The following ABCG8 variants were observed in gnomAD, a reference collection of about 807,000 sequenced individuals.
ABCG8 encodes the protein ATP binding cassette subfamily G member 8.
In ABCG8, 81 loss-of-function variants were observed where a neutral mutation model predicts 71.3. The ratio of observed to expected loss-of-function variants is 1.14; its 90% CI spans 0.95 to 1.37. ABCG8 has a LOEUF of 1.37. ABCG8 is among the 40% of genes most tolerant of loss of function. The pLI, the probability that ABCG8 is intolerant of heterozygous loss-of-function variation, is 0.00. For synonymous variants in ABCG8, 451 were observed against 354.7 expected (o/e 1.27, Z -3.05); for missense variants, 1,119 against 866.2 (o/e 1.29, Z -3.66).
chr2:43,861,156 A>C (rs1669303586), intron 6 of ABCG8, among the ~76,000 whole-genome samples: 1 of 151,170 alleles, frequency 6.6e-6, no homozygotes, highest in Non-Finnish European at 1.5e-5. Context: ...AGCTCTCGCT[A>C]TCTGTCTGGA....
intron 6 of ABCG8, among the ~76,000 whole-genome samples, chr2:43,865,789 C>T (rs1669511571): frequency 2.8e-5 from 4 of 140,786 alleles, no homozygotes; most frequent in South Asian, 2.4e-4. Context: ...AGAATTCTCA[C>T]CATCTGGATA....
intron 6 of ABCG8, among the ~76,000 whole-genome samples, chr2:43,868,279 C>G (rs1198205555): frequency 1.3e-5 from 2 of 151,940 alleles, no homozygotes; most frequent in Non-Finnish European, 2.9e-5. Flanking sequence ...AAAACTCTCA[C>G]TGTCTGTCTG....
At chr2:43,869,207 A>C (rs1401329589) in intron 6 of ABCG8, among the ~76,000 whole-genome samples, 1 of 151,640 alleles carries the variant, frequency 6.6e-6, no homozygotes, top group Non-Finnish European at 1.5e-5. Flanking sequence ...TTCTGGACAT[A>C]ATTCTTACCC....
intron 6 of ABCG8, among the ~76,000 whole-genome samples, chr2:43,857,558 A>T (rs1423884279): frequency 6.6e-6 from 1 of 150,824 alleles, no homozygotes; most frequent in Non-Finnish European, 1.5e-5. Flanking sequence ...TAGAATCCTC[A>T]CTATCTGGAT....
chr2:43,871,899 G>A (rs1049287701), intron 6 of ABCG8, 77 bp from the exon 7 acceptor site: 7 of 1,596,570 alleles, frequency 4.4e-6, no homozygotes, highest in South Asian at 1.1e-5. Context: ...TTGTGAGCTG[G>A]GCGTGCACCA....
chr2:43,882,133 G>T lies in ABCG8; in HGVS notation c.*4220G>T, dbSNP rs541487958. ...TAAACAGAAAATAATCACCAATATT[G>T]GCTCAAATATTTCCTGATTTAAAAA... On this transcript the variant is annotated 3_prime_UTR_variant, in exon 13 of 13. Transcript: ENST00000272286. The T allele has an allele frequency of 6.6e-6, 1 of 152,168 alleles. No homozygotes were observed. The highest frequency in any genetic ancestry group is 1.5e-5 in the Non-Finnish European group (1 of 68,000). The allele number at this position is 152,168 out of a possible 1,614,324, so 9.4% of individuals were successfully genotyped here. A position where few individuals can be genotyped will look rare whatever the true frequency, so the allele number is the denominator to read the frequency against.
intron 11 of ABCG8, 95 bp from the exon 12 acceptor site, chr2:43,877,466 G>C: frequency 1.3e-6 from 2 of 1,573,332 alleles, no homozygotes; most frequent in Non-Finnish European, 1.7e-6. Context: ...TGGGAATATG[G>C]GGAGACTCTG....
intron 6 of ABCG8, among the ~76,000 whole-genome samples, chr2:43,856,101 T>A (rs1669096295): frequency 1.3e-5 from 2 of 151,980 alleles, no homozygotes; most frequent in Admixed American, 1.3e-4. Context: ...TAACTATCTG[T>A]ATAGAATTCT....
chr2:43,874,948 T>C (rs529661766), intron 10 of ABCG8, among the ~76,000 whole-genome samples, 198 bp from the exon 11 acceptor site: 1 of 152,208 alleles, frequency 6.6e-6, no homozygotes, highest in East Asian at 1.9e-4. Flanking sequence ...TGAACTGCCC[T>C]AGAGGGAGCA....
Position 43,877,842 on chromosome 2 carries a change from A to C in ABCG8, c.1951A>C (p.Ser651Arg). Residue 651 changes from serine (S) to arginine (R), a missense_variant, in exon 13 of 13, where the codon AGC becomes CGC. Transcript: ENST00000272286. ...YAIYLIVIGL[S>R]GGFMVLYYVS... ...CATCTACCTCATCGTCATTGGCCTC[A>C]GCGGTGGCTTCATGGTCCTGTACTA... 1 of 1,614,118 alleles carries C rather than the reference A, an allele frequency of 6.2e-7. No homozygotes were observed. The highest frequency in any genetic ancestry group is 8.5e-7 in the Non-Finnish European group (1 of 1,180,022).
At chr2:43,875,453 A>T (rs944358971) in intron 11 of ABCG8, 40 bp downstream of exon 11, 2 of 1,597,372 alleles carry the variant, frequency 1.3e-6, no homozygotes, top group East Asian at 2.2e-5. Context: ...CTTTGTTAGG[A>T]CTCATGTGAC....
Position 43,851,777 on chromosome 2 carries a change from G to A in ABCG8, c.516G>A (p.Gln172=). Residue 172 remains glutamine, a synonymous_variant, in exon 4 of 13, where the codon CAG becomes CAA. Transcript: ENST00000272286. ...TVRETLAFIA[Q]MRLPRTFSQA... ...GAGAGACCTTGGCCTTCATTGCCCA[G>A]ATGCGGCTGCCCAGAACCTTCTCCC... is the stretch of plus-strand genomic sequence containing the variant. The A allele has an allele frequency of 6.2e-7, 1 of 1,614,234 alleles. No homozygotes were observed. The highest frequency in any genetic ancestry group is 8.5e-7 in the Non-Finnish European group (1 of 1,180,042).
intron 6 of ABCG8, among the ~76,000 whole-genome samples, chr2:43,858,804 C>A (rs1264565101): frequency 6.6e-6 from 1 of 150,904 alleles, no homozygotes; most frequent in African/African-American, 2.4e-5. Flanking sequence ...AGAATTCTCA[C>A]CCTCTGGATA....
chr2:43,871,963 C>T lies in ABCG8; in HGVS notation c.965-13C>T. On this transcript the variant is annotated splice_polypyrimidine_tract_variant and intron_variant, in intron 6 of 12. Transcript: ENST00000272286. ...GAACAGGCCACCTGTGACTCCACAT[C>T]CCCTGCTTGCAGTGGACCTGACCAG... 6.2e-7 allele frequency: 1 copy of T among 1,613,966 alleles called. No individual in the cohort carries two copies. The highest frequency in any genetic ancestry group is 8.5e-7 in the Non-Finnish European group (1 of 1,180,038).
chr2:43,860,180 ACTAT>A (rs1267671645), intron 6 of ABCG8, among the ~76,000 whole-genome samples: 1 of 151,270 alleles, frequency 6.6e-6, no homozygotes. Context: ...TAGAACTCTC[ACTAT>A]CTGTCTGGAT....
chr2:43,848,737 T>G (rs1426825100), intron 3 of ABCG8: 1 of 152,196 alleles, frequency 6.6e-6, no homozygotes, highest in Non-Finnish European at 1.5e-5. Flanking sequence ...ACAGCCAGGC[T>G]GGGCACGGTG....
intron 6 of ABCG8, among the ~76,000 whole-genome samples, chr2:43,860,232 G>A (rs562668414): frequency 1.6e-4 from 23 of 146,520 alleles, no homozygotes; most frequent in African/African-American, 4.8e-4. Flanking sequence ...TCACTCTCTG[G>A]TAGAATTCTC....
chr2:43,875,257 C>T lies in ABCG8; in HGVS notation c.1600C>T (p.Leu534=). 2 of 1,614,246 alleles carry T rather than the reference C, an allele frequency of 1.2e-6. No individual in the cohort carries two copies. Among genetic ancestry groups the T allele is most frequent in the South Asian group, 1.1e-5 (1 of 91,090 alleles). The change falls in exon 11 of 13, where the codon CTG becomes TTG. Residue 534 remains leucine (L), a synonymous_variant. Transcript: ENST00000272286. The stretch of plus-strand genomic sequence containing the variant: ...CCAGCCCTTCCTGCTGCACTTCCTG[C>T]TGGTGTGGCTGGTGGTCTTCTGTTG... ...GLQPFLLHFL[L]VWLVVFCCRI...
intron 6 of ABCG8, among the ~76,000 whole-genome samples, chr2:43,864,318 C>T (rs1007553509): frequency 6.6e-6 from 1 of 151,738 alleles, no homozygotes; most frequent in African/African-American, 2.4e-5. Flanking sequence ...TTCTCACTAT[C>T]TGTCTGGATA....
Sources: allele counts gnomAD v4.1 joint callset (sites outside exome capture counted in the v4.1 genomes callset), GRCh38; gene constraint gnomAD v4.1.1; transcripts MANE v1.5; gene names NCBI Gene and HGNC (gene_info 2026-07-23, HGNC 2026-07-21).